The following HTR7 variants were observed in gnomAD, a reference collection of about 807,000 sequenced individuals.
The protein encoded by HTR7 is 5-hydroxytryptamine receptor 7.
In HTR7, 16 loss-of-function variants were observed where a neutral mutation model predicts 34.0. The observed-to-expected ratio is 0.47, with a 90% CI of 0.32 to 0.71. HTR7 has a LOEUF of 0.71. HTR7 is among the 30% of genes least tolerant of loss of function. HTR7 has a pLI of 0.04. For synonymous variants in HTR7, 265 were observed against 260.2 expected, an observed-to-expected ratio of 1.02 and a Z score of -0.18; for missense variants, 504 against 625.5, an observed-to-expected ratio of 0.81 and a Z score of 2.07.
At chr10:90,783,083 T>C (rs1225245271) in intron 1 of HTR7, among the ~76,000 whole-genome samples, 5 of 152,218 alleles carry the variant, frequency 3.3e-5, no homozygotes, top group Admixed American at 3.3e-4. Flanking sequence ...GTTTCTCCAA[T>C]TACCATTTGC....
chr10:90,788,105 A>T (rs1283573787), intron 1 of HTR7, among the ~76,000 whole-genome samples: 1 of 152,108 alleles, frequency 6.6e-6, no homozygotes, highest in Non-Finnish European at 1.5e-5. Context: ...TAGTGGAGAA[A>T]GGCCTGGCAA....
At chr10:90,772,104 C>CGT (rs1249583589) in intron 1 of HTR7, among the ~76,000 whole-genome samples, 1 of 151,830 alleles carries the variant, frequency 6.6e-6, no homozygotes, top group Non-Finnish European at 1.5e-5. Context: ...ATTTATTAAG[C>CGT]GTACTATATT....
intron 1 of HTR7, among the ~76,000 whole-genome samples, chr10:90,788,770 G>T (rs1845420250): frequency 2.0e-5 from 3 of 152,162 alleles, no homozygotes. Context: ...GTCATGTTTA[G>T]TTACTTTTCC....
At chr10:90,826,430 A>G (rs566944092) in intron 1 of HTR7, among the ~76,000 whole-genome samples, 27 of 152,348 alleles carry the variant, frequency 1.8e-4, no homozygotes, top group Admixed American at 1.3e-3. Flanking sequence ...GATAATAATA[A>G]GTAAACAGAA....
rs574334615 is a variant in HTR7 at position 90,764,176 on chromosome 10, T to C, written c.540-14582A>G. ...CTGACTGGCTGGAGATGGTATCTCA[T>C]TGTGGTTTTGATTTGCATTTCTCTA... is the stretch of plus-strand genomic sequence containing the variant. On this transcript the variant is annotated intron_variant, in intron 1 of 3. Coordinates refer to ENST00000336152, the MANE Select transcript of HTR7 (RefSeq NM_019859.4). 3.3e-5 allele frequency among the ~76,000 whole-genome samples: 5 copies of C among 152,324 alleles called. No individual in the cohort carries two copies. The East Asian group carries it at 7.7e-4, about 24-fold the overall frequency.
At chr10:90,757,970 CTAAGT>C (rs1303080439) in intron 1 of HTR7, among the ~76,000 whole-genome samples, 1 of 152,012 alleles carries the variant, frequency 6.6e-6, no homozygotes, top group Non-Finnish European at 1.5e-5. Flanking sequence ...AAAGAGACTG[CTAAGT>C]TAAGAAAATA....
chr10:90,750,518 A>C (rs1844717132), intron 1 of HTR7, among the ~76,000 whole-genome samples: 1 of 152,318 alleles, frequency 6.6e-6, no homozygotes, highest in African/African-American at 2.4e-5. Flanking sequence ...ATAGTCGTAG[A>C]GTCTTTTTTG....
intron 1 of HTR7, among the ~76,000 whole-genome samples, chr10:90,826,461 C>T (rs919345916): frequency 2.0e-5 from 3 of 152,040 alleles, no homozygotes; most frequent in Non-Finnish European, 2.9e-5. Context: ...TATAATAACA[C>T]TGTAATTGTG....
intron 1 of HTR7, among the ~76,000 whole-genome samples, chr10:90,808,072 C>G (rs1017792791): frequency 2.6e-5 from 4 of 152,318 alleles, no homozygotes; most frequent in South Asian, 2.1e-4. Context: ...GGGAAGGCAG[C>G]CTTCCCTTGG....
intron 1 of HTR7, among the ~76,000 whole-genome samples, chr10:90,806,381 G>A (rs553969576): frequency 3.9e-5 from 6 of 152,078 alleles, no homozygotes; most frequent in East Asian, 1.9e-4. Context: ...GGCGGATCAC[G>A]AGGTCAGGAG....
At chr10:90,778,578 C>T (rs191687209) in intron 1 of HTR7, among the ~76,000 whole-genome samples, 2 of 152,276 alleles carry the variant, frequency 1.3e-5, no homozygotes, top group East Asian at 3.9e-4. Context: ...ATGTTACAAA[C>T]AACAGAAAAT....
At chr10:90,764,839 C>A (rs1278636871) in intron 1 of HTR7, among the ~76,000 whole-genome samples, 1 of 152,036 alleles carries the variant, frequency 6.6e-6, no homozygotes, top group Admixed American at 6.6e-5. Context: ...TATTCATCTG[C>A]TGACATAATT....
chr10:90,787,359 G>A (rs1041578670), intron 1 of HTR7, among the ~76,000 whole-genome samples: 20 of 152,014 alleles, frequency 1.3e-4, no homozygotes, highest in African/African-American at 3.9e-4. Context: ...GTGGTGGCAC[G>A]CACCTGTACT....
intron 1 of HTR7, among the ~76,000 whole-genome samples, chr10:90,793,534 C>A (rs1845491847): frequency 6.8e-5 from 6 of 88,030 alleles, no homozygotes; most frequent in South Asian, 3.6e-4. Context: ...TTTAAGAAAG[C>A]TCAAAAAAAA....
intron 1 of HTR7, among the ~76,000 whole-genome samples, chr10:90,792,528 CAA>C (rs1845474884): frequency 1.3e-5 from 2 of 151,962 alleles, no homozygotes; most frequent in East Asian, 1.9e-4. Flanking sequence ...TATATATACA[CAA>C]GAGAGCTTTT....
chr10:90,851,075 A>G (rs1019326021), intron 1 of HTR7, among the ~76,000 whole-genome samples: 2 of 152,222 alleles, frequency 1.3e-5, no homozygotes, highest in Non-Finnish European at 2.9e-5. Context: ...AAAAAAATCA[A>G]TAAAGCCAGA....
intron 1 of HTR7, among the ~76,000 whole-genome samples, chr10:90,754,399 A>G (rs1472742915): frequency 1.3e-5 from 2 of 152,116 alleles, no homozygotes; most frequent in Admixed American, 1.3e-4. Flanking sequence ...AGAAAGAAAA[A>G]AAGAAAAAAA....
At chr10:90,752,195 A>G (rs1367231458) in intron 1 of HTR7, among the ~76,000 whole-genome samples, 4 of 151,976 alleles carry the variant, frequency 2.6e-5, no homozygotes. Flanking sequence ...AAATATTACT[A>G]GAAAAAAAAT....
chr10:90,813,288 G>A (rs1442159832), intron 1 of HTR7, among the ~76,000 whole-genome samples: 8 of 152,248 alleles, frequency 5.3e-5, no homozygotes, highest in East Asian at 1.9e-4. Context: ...TTGGGAGGCC[G>A]AGGCGGGCCG....
Sources: gnomAD v4.1 joint callset for allele counts (sites outside exome capture counted in the v4.1 genomes callset) on GRCh38, gnomAD v4.1.1 for gene constraint, MANE v1.5 for transcripts, NCBI Gene and HGNC (gene_info 2026-07-23, HGNC 2026-07-21) for gene names.